Variants in IFT56 observed in about 807,000 individuals in gnomAD.
IFT56 encodes the protein intraflagellar transport 56.
chr7:139,156,375 A>T, the IFT56 span, among the ~76,000 whole-genome samples: 1 of 139,962 alleles, frequency 7.1e-6, no homozygotes, highest in African/African-American at 2.9e-5. Flanking sequence ...TGTTTGCTTT[A>T]TGTTTAGTTT....
the IFT56 span, among the ~76,000 whole-genome samples, chr7:139,156,475 C>G: frequency 2.0e-5 from 3 of 151,794 alleles, no homozygotes; most frequent in East Asian, 5.8e-4. Context: ...AAAATTTCCT[C>G]TAAGAAATGT....
chr7:139,133,808 T>C, the IFT56 span: 7 of 1,613,862 alleles, frequency 4.3e-6, no homozygotes, highest in African/African-American at 8.0e-5. Context: ...GGCGAAACGC[T>C]GAGGCGCGGC....
the IFT56 span, chr7:139,181,218 A>G: frequency 6.5e-7 from 1 of 1,547,166 alleles, no homozygotes; most frequent in Non-Finnish European, 8.9e-7. Context: ...ACTGAGACTA[A>G]AGGGAACATT....
At chr7:139,189,065 A>G in the IFT56 span, among the ~76,000 whole-genome samples, 10 of 152,242 alleles carry the variant, frequency 6.6e-5, no homozygotes, top group Admixed American at 5.9e-4. Flanking sequence ...GATTATCAGT[A>G]TGTATATAGG....
chr7:139,168,747 GT>G, the IFT56 span, among the ~76,000 whole-genome samples: 2 of 152,074 alleles, frequency 1.3e-5, no homozygotes, highest in African/African-American at 2.4e-5. Context: ...TTTGGCATCT[GT>G]AAAGTAGGGA....
chr7:139,148,268 T>G, the IFT56 span: 2 of 1,613,896 alleles, frequency 1.2e-6, no homozygotes, highest in Admixed American at 1.7e-5. Flanking sequence ...TACTATGATG[T>G]GTCTCAAGAA....
the IFT56 span, among the ~76,000 whole-genome samples, chr7:139,144,575 C>T: frequency 6.6e-6 from 1 of 151,952 alleles, no homozygotes; most frequent in African/African-American, 2.4e-5. Context: ...ATACTCTCTT[C>T]TTTCCTTCTA....
At chr7:139,166,273 AG>A in the IFT56 span, among the ~76,000 whole-genome samples, 1 of 152,190 alleles carries the variant, frequency 6.6e-6, no homozygotes, top group Non-Finnish European at 1.5e-5. Context: ...TTTATATAAA[AG>A]CAAAAAGAAA....
chr7:139,144,600 T>C, the IFT56 span, among the ~76,000 whole-genome samples: 4 of 151,884 alleles, frequency 2.6e-5, no homozygotes, highest in Non-Finnish European at 5.9e-5. Context: ...CCCAGTAATA[T>C]GTATGTATGT....
the IFT56 span, chr7:139,169,400 G>C: frequency 6.5e-7 from 1 of 1,534,922 alleles, no homozygotes; most frequent in Non-Finnish European, 9.0e-7. Context: ...TTGGAGTGGG[G>C]CATATATTGA....
At chr7:139,188,305 T>A in the IFT56 span, among the ~76,000 whole-genome samples, 3 of 152,088 alleles carry the variant, frequency 2.0e-5, 1 homozygote, top group Non-Finnish European at 4.4e-5. Context: ...TTCACCATGT[T>A]GGCCAGGCTG....
chr7:139,153,415 C>T, the IFT56 span, among the ~76,000 whole-genome samples: 2 of 151,206 alleles, frequency 1.3e-5, no homozygotes, highest in Non-Finnish European at 2.9e-5. Context: ...TGCACCAATG[C>T]ACTCCAGCCT....
At chr7:139,158,089 A>G in the IFT56 span, among the ~76,000 whole-genome samples, 1 of 151,954 alleles carries the variant, frequency 6.6e-6, no homozygotes, top group African/African-American at 2.4e-5. Context: ...AGAGGCAGGC[A>G]GATCACTTGA....
the IFT56 span, among the ~76,000 whole-genome samples, chr7:139,140,660 A>C: frequency 6.6e-6 from 1 of 151,426 alleles, no homozygotes; most frequent in African/African-American, 2.4e-5. Context: ...CTGTAATCCC[A>C]GCTACTTGGG....
the IFT56 span, chr7:139,169,265 A>C: frequency 6.2e-7 from 1 of 1,604,968 alleles, no homozygotes; most frequent in South Asian, 1.1e-5. Context: ...TTATTCCTCT[A>C]TATCAGCTCA....
At chr7:139,143,877 G>A in the IFT56 span, among the ~76,000 whole-genome samples, 18 of 151,924 alleles carry the variant, frequency 1.2e-4, no homozygotes, top group Non-Finnish European at 2.4e-4. Flanking sequence ...CATATCATGT[G>A]TATTTTGCAT....
chr7:139,178,665 G>A, the IFT56 span: 1 of 1,381,704 alleles, frequency 7.2e-7, no homozygotes, highest in Non-Finnish European at 1.0e-6. Flanking sequence ...TTTTCTCACT[G>A]GAATAAAATG....
the IFT56 span, among the ~76,000 whole-genome samples, chr7:139,149,107 C>T: frequency 6.6e-6 from 1 of 151,782 alleles, no homozygotes; most frequent in Non-Finnish European, 1.5e-5. Flanking sequence ...AGATCGAGAC[C>T]ATCCTGGCTA....
chr7:139,141,756 A>G, the IFT56 span, among the ~76,000 whole-genome samples: 1 of 152,236 alleles, frequency 6.6e-6, no homozygotes, highest in Non-Finnish European at 1.5e-5. Flanking sequence ...AGGATGGCAC[A>G]TAATTATGCT....
Sources: allele counts gnomAD v4.1 joint callset (sites outside exome capture counted in the v4.1 genomes callset), GRCh38; gene constraint gnomAD v4.1.1; transcripts MANE v1.5; gene names NCBI Gene and HGNC (gene_info 2026-07-23, HGNC 2026-07-21).